FRMD8: variants seen among roughly 807,000 people sequenced by gnomAD.
The protein encoded by FRMD8 is FERM domain-containing protein 8.
A neutral mutation model predicts 54.2 loss-of-function variants in FRMD8; 37 were observed. The ratio of observed to expected loss-of-function variants is 0.68; its 90% confidence interval spans 0.53 to 0.90. The LOEUF (loss-of-function observed/expected upper bound fraction) is 0.90. Ranked by LOEUF, FRMD8 falls within the 40% of genes least tolerant of loss-of-function variation. FRMD8 has a pLI of 0.00. For synonymous variants in FRMD8, 246 were observed against 286.9 expected (o/e 0.86, Z 1.44); for missense variants, 585 against 653.7 (o/e 0.89, Z 1.15).
At chr11:65,403,472 G>A (rs1856125206) in intron 9 of FRMD8, among the ~76,000 whole-genome samples, 2 of 152,172 alleles carry the variant, frequency 1.3e-5, no homozygotes, top group East Asian at 1.9e-4. Context: ...CGTGAGCCAC[G>A]GCACCTGGCC....
chr11:65,396,709 TTCC>T, intron 6 of FRMD8, 87 bp from the exon 7 acceptor site: 1 of 795,658 alleles, frequency 1.3e-6, no homozygotes, highest in Non-Finnish European at 1.9e-6. Context: ...GTGTGTCTGC[TTCC>T]TCCAGGCAGC....
In FRMD8 at chr11:65,411,568, C is replaced by T. The variant is rs3802944; in HGVS notation, c.*208C>T. 1.2e-3 allele frequency: 536 copies of T among 461,412 alleles called. 7 individuals are homozygous for T. The East Asian group carries it at 0.017, about 15-fold the overall frequency. 28.6% of individuals were successfully genotyped at this position (461,412 alleles called of 1,614,324 possible). Reference sequence around the variant, plus strand: ...CTGGCCAGGGCCTCCTGTAGGGCTCCTCTGCAGCCTGCCCTCCCTTCCCCC... The same window carrying T: ...CTGGCCAGGGCCTCCTGTAGGGCTCTTCTGCAGCCTGCCCTCCCTTCCCCC... On this transcript the variant is annotated 3_prime_UTR_variant, in exon 11 of 11. Transcript: ENST00000317568.
At chr11:65,405,197 C>G in intron 10 of FRMD8, 129 bp downstream of exon 10, 1 of 904,050 alleles carries the variant, frequency 1.1e-6, no homozygotes, top group Non-Finnish European at 1.7e-6. Flanking sequence ...CATCTCAGGA[C>G]ACAGCTGTGA....
chr11:65,372,557 T>G, the FRMD8 span, among the ~76,000 whole-genome samples: 1 of 152,174 alleles, frequency 6.6e-6, no homozygotes, highest in African/African-American at 2.4e-5. Context: ...TGGGAGCCCA[T>G]TTAACTAAAG....
upstream of FRMD8, chr11:65,382,536 G>T (rs538451405): frequency 1.7e-4 from 27 of 155,388 alleles, no homozygotes; most frequent in East Asian, 4.9e-3. This position sits in a 1 kb window ranked among gnomAD's most constrained non-coding sequence, Gnocchi z 4.4. Flanking sequence ...CGACTCCCCC[G>T]TGTGAGTCAG....
chr11:65,389,209 GA>G, intron 2 of FRMD8, 151 bp from the exon 3 acceptor site: 1 of 708,342 alleles, frequency 1.4e-6, no homozygotes, highest in Non-Finnish European at 2.4e-6. Context: ...TGCCTCTGGC[GA>G]GGACTCTGTC....
chr11:65,383,411 G>A (rs1000869584), upstream of FRMD8: 1 of 152,482 alleles, frequency 6.6e-6, no homozygotes, highest in Non-Finnish European at 1.5e-5. Context: ...GTGGTGGCTT[G>A]GGCTGCAGTC....
At chr11:65,397,663 T>A (rs2137897448) in intron 7 of FRMD8, among the ~76,000 whole-genome samples, 1 of 152,330 alleles carries the variant, frequency 6.6e-6, no homozygotes, top group Non-Finnish European at 1.5e-5. Flanking sequence ...TGTCCTCCGC[T>A]GAGCTGGGGG....
At chr11:65,387,634 G>A (rs1238856487) in intron 2 of FRMD8, among the ~76,000 whole-genome samples, 1 of 152,096 alleles carries the variant, frequency 6.6e-6, no homozygotes, top group East Asian at 1.9e-4. Flanking sequence ...CGCCTTCGGG[G>A]TTCACGCCAT....
chr11:65,378,216 T>C, the FRMD8 span: 2 of 151,872 alleles, frequency 1.3e-5, no homozygotes, highest in Non-Finnish European at 2.9e-5. Context: ...CCCACAGGGG[T>C]GGTGGAGTGT....
chr11:65,409,219 T>C (rs1020375444), intron 10 of FRMD8, among the ~76,000 whole-genome samples: 2 of 152,032 alleles, frequency 1.3e-5, no homozygotes, highest in African/African-American at 4.8e-5. Flanking sequence ...CGCAAGTAGC[T>C]GGGATTGCAG....
the FRMD8 span, chr11:65,376,391 G>A: frequency 5.4e-5 from 86 of 1,606,976 alleles, no homozygotes; most frequent in Non-Finnish European, 7.1e-5. Context: ...GGGAGCTGCT[G>A]GCATTGCCGC....
At chr11:65,397,859 C>T (rs899907016) in intron 7 of FRMD8, among the ~76,000 whole-genome samples, 10 of 146,218 alleles carry the variant, frequency 6.8e-5, no homozygotes, top group Non-Finnish European at 1.0e-4. Flanking sequence ...GCACCATGCC[C>T]GGGTAATTTT....
chr11:65,408,659 C>T (rs979369476), intron 10 of FRMD8, among the ~76,000 whole-genome samples: 4 of 151,836 alleles, frequency 2.6e-5, no homozygotes, highest in Non-Finnish European at 5.9e-5. Context: ...AGTGCCTAGA[C>T]TGGAGTGCAA....
rs763409317 is a variant in FRMD8 at position 65,396,913 on chromosome 11, C to T, written c.696C>T (p.Asn232=). 10 of 1,553,318 alleles carry T rather than the reference C, an allele frequency of 6.4e-6. No homozygotes were observed. Among genetic ancestry groups the T allele is most frequent in the African/African-American group, 4.1e-5 (3 of 72,744 alleles). The change falls in exon 7 of 11, where the codon AAC becomes AAT. Residue 232 remains asparagine (N), a synonymous_variant. Coordinates refer to ENST00000317568, the MANE Select transcript of FRMD8 (RefSeq NM_031904.5). The part of the protein sequence containing the change: ...RAGPGEQGLL[N]AYRQVQEVSS... ...GGCCGGGCGAGCAGGGCCTGCTGAA[C>T]GCCTACCGCCAGGTGCAGGAGGTCA...
the FRMD8 span, chr11:65,376,832 T>C: frequency 1.2e-5 from 19 of 1,614,066 alleles, no homozygotes; most frequent in Non-Finnish European, 1.5e-5. Flanking sequence ...ATTCTGGCCT[T>C]CTGGTGTGTA....
intron 7 of FRMD8, among the ~76,000 whole-genome samples, chr11:65,397,348 C>T (rs1855980143): frequency 6.6e-6 from 1 of 152,200 alleles, no homozygotes; most frequent in African/African-American, 2.4e-5. Context: ...CTACTGCACG[C>T]ACGCTCCCTG....
At chr11:65,381,869 A>C (rs372262177), upstream of FRMD8, 5 of 1,613,020 alleles carry the variant, frequency 3.1e-6, no homozygotes, top group South Asian at 5.5e-5. Context: ...CGAGGAAGTG[A>C]CCTACCATTG....
the FRMD8 span, chr11:65,380,755 C>A: frequency 5.0e-6 from 2 of 398,004 alleles, no homozygotes; most frequent in Non-Finnish European, 9.1e-6. Flanking sequence ...GTCGCACCCC[C>A]AGGAGGCAGG....
Sources: gnomAD v4.1 joint callset for allele counts (sites outside exome capture counted in the v4.1 genomes callset) on GRCh38, gnomAD v4.1.1 for gene constraint, Gnocchi (gnomAD v3.1) non-coding constraint, MANE v1.5 for transcripts, NCBI Gene and HGNC (gene_info 2026-07-23, HGNC 2026-07-21) for gene names.